The following TIMP2 variants were observed in gnomAD, a reference collection of about 807,000 sequenced individuals.
TIMP2 encodes the protein metalloproteinase inhibitor 2.
In TIMP2, 5 loss-of-function variants were observed where a neutral mutation model predicts 24.3. The observed-to-expected ratio is 0.21, with a 90% CI of 0.11 to 0.43. The LOEUF (loss-of-function observed/expected upper bound fraction) is 0.43, where lower values mean the gene tolerates loss of function less well. Ranked by LOEUF, TIMP2 falls within the 20% of genes least tolerant of loss-of-function variation. The pLI, the probability that TIMP2 is intolerant of heterozygous loss-of-function variation, is 1.00. For missense variants in TIMP2, 221 were observed against 297.5 expected (o/e 0.74, Z 1.89); for synonymous variants, 130 against 123.2 (o/e 1.06, Z -0.37).
At chr17:78,878,572 C>A (rs946068819) in intron 1 of TIMP2, among the ~76,000 whole-genome samples, 2 of 152,232 alleles carry the variant, frequency 1.3e-5, no homozygotes, top group South Asian at 4.1e-4. Flanking sequence ...TCCCAGCGTG[C>A]TAGCTTTGCC....
chr17:78,871,408 C>T (rs1357748649), intron 2 of TIMP2, among the ~76,000 whole-genome samples: 21 of 140,110 alleles, frequency 1.5e-4, no homozygotes, highest in Admixed American at 4.4e-4. Flanking sequence ...GCTGAGATGG[C>T]GCCACTGTAC....
intron 1 of TIMP2, 73 bp from the exon 2 acceptor site, chr17:78,873,992 CG>C: frequency 7.1e-7 from 1 of 1,410,636 alleles, no homozygotes; most frequent in Non-Finnish European, 9.9e-7. Context: ...AGGGATAAGA[CG>C]TCCAGGCCTG....
Position 78,878,050 on chromosome 17 carries a change from C to T in TIMP2, c.131-4131G>A, listed in dbSNP as rs1051639738. Among the ~76,000 whole-genome samples, 12 of 152,198 alleles carry T rather than the reference C, an allele frequency of 7.9e-5. No individual in the cohort carries two copies. The East Asian group carries it at 9.7e-4, about 12-fold the overall frequency. The stretch of plus-strand genomic sequence containing the variant: ...GTCCACTAAGCCGCACAATGCTTAA[C>T]GCACAATAGGCACTCAACAAGCATG... On this transcript the variant is annotated intron_variant, in intron 1 of 4. Coordinates refer to ENST00000262768, the MANE Select transcript of TIMP2 (RefSeq NM_003255.5).
chr17:78,916,128 A>G (rs1007479186), intron 1 of TIMP2, among the ~76,000 whole-genome samples: 3 of 152,116 alleles, frequency 2.0e-5, no homozygotes, highest in Admixed American at 6.5e-5. Context: ...TTTGATGCAG[A>G]AAGAGCTGGT....
At position 78,905,620 on chromosome 17, in the gene TIMP2, G is replaced by A. The variant is rs541061499; in HGVS notation, c.130+19339C>T. On this transcript the variant is annotated intron_variant, in intron 1 of 4. Transcript: ENST00000262768. The stretch of plus-strand genomic sequence containing the variant: ...ATGGCCCTTGCAGAATGTCCAGCAC[G>A]ACTGCCAAGTGCTCGTCAGGTCTTT... 2.9e-4 allele frequency among the ~76,000 whole-genome samples: 44 copies of A among 152,362 alleles called. No individual in the cohort carries two copies. The South Asian group carries it at 5.4e-3, about 19-fold the overall frequency.
chr17:78,925,385 GC>G lies in TIMP2; in HGVS notation c.-298del, dbSNP rs1568011471. On this transcript the variant is annotated 5_prime_UTR_variant, in exon 1 of 5. Coordinates refer to ENST00000262768, the MANE Select transcript of TIMP2 (RefSeq NM_003255.5). ...CGCGCTGCCTTCTACGGATGTGTTTGCTGCGGGCTTGGGCCGGGCCGCAGTT... is the reference window on the plus strand; with the variant it reads ...CGCGCTGCCTTCTACGGATGTGTTTGTGCGGGCTTGGGCCGGGCCGCAGTT... 4 of 152,530 alleles carry G rather than the reference GC, an allele frequency of 2.6e-5. No homozygotes were observed. In the South Asian group the frequency reaches 7.2e-4, roughly 27 times the overall value. The allele number at this position is 152,530 out of a possible 1,614,324, so 9.4% of individuals were successfully genotyped here.
chr17:78,861,706 A>G, intron 3 of TIMP2, among the ~76,000 whole-genome samples: 1 of 151,278 alleles, frequency 6.6e-6, no homozygotes, highest in East Asian at 1.9e-4. Context: ...AGGTTCAAGC[A>G]TTCTCCTGCC....
At chr17:78,870,774 C>G in intron 3 of TIMP2, 124 bp downstream of exon 3, 1 of 701,204 alleles carries the variant, frequency 1.4e-6, no homozygotes, top group South Asian at 2.0e-5. Flanking sequence ...CCGTACCCTG[C>G]CTCACTGTTC....
chr17:78,872,713 G>A (rs1051294497), intron 2 of TIMP2, among the ~76,000 whole-genome samples: 2 of 152,128 alleles, frequency 1.3e-5, no homozygotes, highest in African/African-American at 4.8e-5. Context: ...CCTCTTTCCT[G>A]CTTCGTAAAG....
chr17:78,858,026 C>T (rs577416744), intron 3 of TIMP2, among the ~76,000 whole-genome samples: 29 of 151,472 alleles, frequency 1.9e-4, no homozygotes, highest in African/African-American at 6.5e-4. Flanking sequence ...GAGCCGAGAT[C>T]GCGCCACTGA....
rs183245028 is a variant in TIMP2, at chr17:78,871,025, G to A, written c.232-19C>T. 20 of 1,602,702 alleles carry A rather than the reference G, an allele frequency of 1.2e-5. No homozygotes were observed. The highest frequency in any genetic ancestry group is 2.2e-5 in the East Asian group (1 of 44,530). On this transcript the variant is annotated intron_variant, in intron 2 of 4. Coordinates refer to ENST00000262768, the MANE Select transcript of TIMP2 (RefSeq NM_003255.5). ...TGAACATCTGGAAAGACAAGGAGGA[G>A]GACATGTAAGCAGAGGGAGGCCACA...
At chr17:78,894,347 G>C (rs2069964993) in intron 1 of TIMP2, among the ~76,000 whole-genome samples, 1 of 151,966 alleles carries the variant, frequency 6.6e-6, no homozygotes, top group African/African-American at 2.4e-5. Context: ...ACTGCAGCTG[G>C]CTTTGACTTA....
chr17:78,892,604 G>A lies in TIMP2; in HGVS notation c.131-18685C>T, dbSNP rs2069919022. 2.3e-6 allele frequency: 3 copies of A among 1,287,294 alleles called. No homozygotes were observed. The Admixed American group carries it at 8.6e-5, about 37-fold the overall frequency. The allele number at this position is 1,287,294 out of a possible 1,614,324, so 79.7% of individuals were successfully genotyped here. A position where few individuals can be genotyped will look rare whatever the true frequency, so the allele number is the denominator to read the frequency against. ...AAGCTCTCTTGACCCGTGCCCACCA[G>A]GGCCCACTCTCAGCCTCCCAATTTC... is the stretch of plus-strand genomic sequence containing the variant. On this transcript the variant is annotated intron_variant, in intron 1 of 4. Coordinates refer to ENST00000262768, the MANE Select transcript of TIMP2 (RefSeq NM_003255.5).
intron 1 of TIMP2, among the ~76,000 whole-genome samples, chr17:78,922,590 G>A (rs956405676): frequency 6.6e-6 from 1 of 152,226 alleles, no homozygotes; most frequent in Admixed American, 6.5e-5. Flanking sequence ...GGCTGAGGCA[G>A]GCGGATCACC....
At chr17:78,923,553 T>C (rs2070325881) in intron 1 of TIMP2, among the ~76,000 whole-genome samples, 1 of 152,184 alleles carries the variant, frequency 6.6e-6, no homozygotes, top group African/African-American at 2.4e-5. Context: ...GCACTCCTCG[T>C]GGACCCCCAG....
At chr17:78,881,840 G>A (rs899194986) in intron 1 of TIMP2, among the ~76,000 whole-genome samples, 11 of 152,230 alleles carry the variant, frequency 7.2e-5, no homozygotes, top group Non-Finnish European at 1.6e-4. Context: ...AAATCACACA[G>A]TTAGTAACGC....
At chr17:78,897,013 C>G (rs2070011970) in intron 1 of TIMP2, 1 of 985,236 alleles carries the variant, frequency 1.0e-6, no homozygotes, top group Admixed American at 6.1e-5. Flanking sequence ...GGCGGCCGCT[C>G]AGACAGCTTT....
chr17:78,874,287 C>CT, intron 1 of TIMP2: 3 of 189,136 alleles, frequency 1.6e-5, no homozygotes, highest in Non-Finnish European at 2.2e-5. Flanking sequence ...GTGCTTTTGG[C>CT]TTTTTTTTTC....
intron 3 of TIMP2, among the ~76,000 whole-genome samples, chr17:78,866,406 T>C (rs2145750454): frequency 6.6e-6 from 1 of 152,234 alleles, no homozygotes; most frequent in Middle Eastern, 3.4e-3. Flanking sequence ...TTTTTCTTAT[T>C]GTAAAAATCA....
Sources: gnomAD v4.1 joint callset for allele counts (sites outside exome capture counted in the v4.1 genomes callset) on GRCh38, gnomAD v4.1.1 for gene constraint, MANE v1.5 for transcripts, NCBI Gene and HGNC (gene_info 2026-07-23, HGNC 2026-07-21) for gene names.